MTUS2: variants seen among roughly 807,000 people sequenced by gnomAD.
The protein encoded by MTUS2 is microtubule associated scaffold protein 2.
In MTUS2, 40 loss-of-function variants were observed where a neutral mutation model predicts 114.1. The ratio of observed to expected loss-of-function variants is 0.35; its 90% CI spans 0.27 to 0.46. The LOEUF is 0.46. Ranked by LOEUF, MTUS2 falls within the 20% of genes least tolerant of loss-of-function variation. MTUS2 has a pLI of 1.00. For missense variants in MTUS2, 1,679 were observed against 1,705.4 expected (o/e 0.98, Z 0.27); for synonymous variants, 688 against 672.0 (o/e 1.02, Z -0.37).
In MTUS2 at chr13:29,084,787, C is replaced by CG. The variant is rs1317548349; in HGVS notation, c.2447-15986_2447-15985insG. 2.7e-5 allele frequency among the ~76,000 whole-genome samples: 3 copies of CG among 112,262 alleles called. 1 individual carries two copies. The highest frequency in any genetic ancestry group is 2.7e-4 in the South Asian group (1 of 3,696). 73.6% of individuals were successfully genotyped at this position (112,262 alleles called of 152,430 possible). The stretch of plus-strand genomic sequence containing the variant: ...TCCTGACCTCAGGTGATCCACCCCC[C>CG]CCCCTCACCGTTGGCCTTCCAAAGT... On this transcript the variant is annotated intron_variant, in intron 4 of 15. Transcript: ENST00000612955.
chr13:29,028,053 C>A (rs1886642181), intron 3 of MTUS2, among the ~76,000 whole-genome samples: 1 of 152,062 alleles, frequency 6.6e-6, no homozygotes, highest in South Asian at 2.1e-4. Flanking sequence ...GCTGAGTGAT[C>A]AGTTAAAAGT....
chr13:29,440,149 C>T, intron 9 of MTUS2, 100 bp downstream of exon 9: 1 of 1,142,428 alleles, frequency 8.8e-7, no homozygotes. Context: ...TAAGCCAGTG[C>T]AAACCTGCCT....
chr13:29,299,531 C>T (rs968616438), intron 6 of MTUS2, among the ~76,000 whole-genome samples: 21 of 152,194 alleles, frequency 1.4e-4, no homozygotes, highest in African/African-American at 4.3e-4. Context: ...TATTGAGTTA[C>T]GTTTATGCTA....
chr13:29,487,272 C>A (rs1208194085), intron 10 of MTUS2, among the ~76,000 whole-genome samples: 7 of 152,170 alleles, frequency 4.6e-5, no homozygotes, highest in Non-Finnish European at 1.0e-4. Flanking sequence ...GAACACAAAA[C>A]AACAGTGCAT....
chr13:29,435,932 A>T (rs1877375009), intron 8 of MTUS2, among the ~76,000 whole-genome samples: 1 of 152,172 alleles, frequency 6.6e-6, no homozygotes, highest in Non-Finnish European at 1.5e-5. Flanking sequence ...TGGTGGGGAA[A>T]ACTAAACAAC....
chr13:28,868,112 A>G (rs1354564510), intron 2 of MTUS2, among the ~76,000 whole-genome samples: 1 of 152,250 alleles, frequency 6.6e-6, no homozygotes, highest in Non-Finnish European at 1.5e-5. Flanking sequence ...CTTTAAAGAA[A>G]AAATGGGAGG....
chr13:29,362,959 T>G (rs1366230821), intron 8 of MTUS2, among the ~76,000 whole-genome samples: 2 of 152,136 alleles, frequency 1.3e-5, no homozygotes, highest in African/African-American at 4.8e-5. Flanking sequence ...CACACTTAGG[T>G]GCCAACAGCA....
At position 29,330,156 on chromosome 13, in the gene MTUS2, G is replaced by A. The variant is rs374873587; in HGVS notation, c.2905+5445G>A. On this transcript the variant is annotated intron_variant, in intron 7 of 15. Transcript: ENST00000612955. ...ATCGCCATTCTAACTGCTGTGAGAT[G>A]GTATCTCATTGTGATTTTGATTTGC... is the stretch of plus-strand genomic sequence containing the variant. 7.9e-5 allele frequency among the ~76,000 whole-genome samples: 12 copies of A among 152,176 alleles called. No homozygotes were observed. In the East Asian group the frequency reaches 2.3e-3, roughly 29 times the overall value.
intron 5 of MTUS2, among the ~76,000 whole-genome samples, chr13:29,149,052 A>C (rs1892561793): frequency 6.6e-6 from 1 of 152,220 alleles, no homozygotes; most frequent in African/African-American, 2.4e-5. Flanking sequence ...GTACCCAGTA[A>C]TGAGACTGCT....
Position 29,034,100 on chromosome 13 carries a change from C to T in MTUS2, c.2421C>T (p.Thr807=), listed in dbSNP as rs371429610. The T allele has an allele frequency of 4.5e-4, 733 of 1,614,050 alleles. No homozygotes were observed. The highest frequency in any genetic ancestry group is 5.8e-4 in the Non-Finnish European group (687 of 1,179,906). The stretch of plus-strand genomic sequence containing the variant: ...CACCAGGACCCATAACAACAGCCAC[C>T]AGTCTCTACAGTTCCGATCCTTCAG... ...IHPPGPITTA[T]SLYSSDPSAD... The change falls in exon 4 of 16, where the codon ACC becomes ACT. Residue 807 remains threonine, a synonymous_variant. Transcript: ENST00000612955.
intron 2 of MTUS2, among the ~76,000 whole-genome samples, chr13:28,972,094 G>C (rs919475470): frequency 6.6e-6 from 1 of 152,198 alleles, no homozygotes; most frequent in South Asian, 2.1e-4. Flanking sequence ...TCTGCACGCA[G>C]AACAACTATT....
At chr13:29,207,939 A>G (rs1040193669) in intron 5 of MTUS2, among the ~76,000 whole-genome samples, 9 of 152,144 alleles carry the variant, frequency 5.9e-5, no homozygotes, top group African/African-American at 2.2e-4. Context: ...TACTGGCTTC[A>G]TAGAATGATT....
Position 29,030,258 on chromosome 13 carries a change from G to A in MTUS2, c.2205+3355G>A, listed in dbSNP as rs1423821235. Among the ~76,000 whole-genome samples, 4 of 152,138 alleles carry A rather than the reference G, an allele frequency of 2.6e-5. No homozygotes were observed. In the East Asian group the frequency reaches 7.7e-4, roughly 29 times the overall value. On this transcript the variant is annotated intron_variant, in intron 3 of 15. Coordinates refer to ENST00000612955, the MANE Select transcript of MTUS2 (RefSeq NM_001033602.4). ...TGTATGGACATTGTGTGGCTTTGGC[G>A]GTTCTGAGGGGTTCAGAGAGACCCC...
At chr13:29,494,521 C>T (rs1490991579) in intron 12 of MTUS2, among the ~76,000 whole-genome samples, 1 of 148,576 alleles carries the variant, frequency 6.7e-6, no homozygotes, top group Non-Finnish European at 1.5e-5. Context: ...AAAAGAAATG[C>T]TTTCTCTGGC....
intron 4 of MTUS2, among the ~76,000 whole-genome samples, chr13:29,052,280 G>A (rs574641236): frequency 3.3e-5 from 5 of 152,016 alleles, no homozygotes; most frequent in East Asian, 3.9e-4. Context: ...TCAGGAGTTC[G>A]AGACCAGCCT....
chr13:28,944,803 G>A (rs922862777), intron 2 of MTUS2, among the ~76,000 whole-genome samples: 3 of 152,100 alleles, frequency 2.0e-5, no homozygotes, highest in African/African-American at 4.8e-5. Context: ...TTCGTGATAG[G>A]TACATCCTTT....
At chr13:28,894,315 A>T (rs78211861) in intron 2 of MTUS2, among the ~76,000 whole-genome samples, 1 of 2,746 alleles carries the variant, frequency 3.6e-4, no homozygotes, top group Non-Finnish European at 6.7e-4. Flanking sequence ...GGGGGGGGGG[A>T]GGGAGGGAGG....
chr13:29,145,897 A>G (rs1892414667), intron 5 of MTUS2, among the ~76,000 whole-genome samples: 1 of 152,170 alleles, frequency 6.6e-6, no homozygotes, highest in Non-Finnish European at 1.5e-5. Context: ...GAAGCACATA[A>G]AACACACCTT....
chr13:29,266,943 C>T (rs1897688696), intron 5 of MTUS2, among the ~76,000 whole-genome samples: 1 of 152,154 alleles, frequency 6.6e-6, no homozygotes, highest in African/African-American at 2.4e-5. Context: ...GATTCAGATA[C>T]CAGAAAGAAC....
Sources: allele counts gnomAD v4.1 joint callset (sites outside exome capture counted in the v4.1 genomes callset), GRCh38; gene constraint gnomAD v4.1.1; transcripts MANE v1.5; gene names NCBI Gene and HGNC (gene_info 2026-07-23, HGNC 2026-07-21).